The following MAGI2 variants were observed in gnomAD, a reference collection of about 807,000 sequenced individuals.
MAGI2 encodes membrane-associated guanylate kinase, WW and PDZ domain-containing protein 2.
Under a neutral mutation model 133.3 loss-of-function variants are expected in MAGI2, and 35 were observed. That is an observed-to-expected ratio of 0.26 (90% CI 0.20 to 0.35). MAGI2 has a LOEUF of 0.35. MAGI2 is among the 10% of genes least tolerant of loss of function. The pLI is 1.00. For synonymous variants in MAGI2, 729 were observed against 710.6 expected (o/e 1.03, Z -0.41); for missense variants, 1,636 against 1,863.4 (o/e 0.88, Z 2.25).
intron 9 of MAGI2, among the ~76,000 whole-genome samples, chr7:78,327,605 T>C (rs1175293694): frequency 6.6e-6 from 1 of 152,166 alleles, no homozygotes; most frequent in African/African-American, 2.4e-5. Flanking sequence ...GGTTTGATTA[T>C]AGTAGGGGAG....
intron 1 of MAGI2, among the ~76,000 whole-genome samples, chr7:79,341,976 C>T (rs1474351301): frequency 6.6e-6 from 1 of 152,146 alleles, no homozygotes; most frequent in Non-Finnish European, 1.5e-5. Context: ...GCTCCAGATC[C>T]ACTTGTTTTC....
chr7:79,214,858 AATAT>A (rs2129553028), intron 1 of MAGI2, among the ~76,000 whole-genome samples: 1 of 144,566 alleles, frequency 6.9e-6, no homozygotes, highest in Non-Finnish European at 1.5e-5. Flanking sequence ...TAAATTTATA[AATAT>A]ATATTTATAA....
In MAGI2 at chr7:78,018,292, CAAAT is replaced by C. The variant is rs1807952574; in HGVS notation, c.*1019_*1022del. ...ATATTATAATCTGAGAAATATAAGACAAATACTCTGCCTCTGCTCTGTCAAAGTG... is the reference window on the plus strand; with the variant it reads ...ATATTATAATCTGAGAAATATAAGACACTCTGCCTCTGCTCTGTCAAAGTG... On this transcript the variant is annotated 3_prime_UTR_variant, in exon 22 of 22. Coordinates refer to ENST00000354212, the MANE Select transcript of MAGI2 (RefSeq NM_012301.4). The C allele has an allele frequency of 6.6e-6, 1 of 152,540 alleles. No individual in the cohort carries two copies. Among genetic ancestry groups the C allele is most frequent in the South Asian group, 2.1e-4 (1 of 4,820 alleles). The allele number at this position is 152,540 out of a possible 1,614,324, so 9.4% of individuals were successfully genotyped here. A position where few individuals can be genotyped will look rare whatever the true frequency, so the allele number is the denominator to read the frequency against.
intron 1 of MAGI2, among the ~76,000 whole-genome samples, chr7:79,438,686 G>T (rs181448004): frequency 6.6e-6 from 1 of 151,966 alleles, no homozygotes; most frequent in East Asian, 1.9e-4. Flanking sequence ...CATTCCATTG[G>T]ATATAAGTTC....
At chr7:78,595,358 T>C (rs1330842643) in intron 3 of MAGI2, among the ~76,000 whole-genome samples, 1 of 152,202 alleles carries the variant, frequency 6.6e-6, no homozygotes, top group African/African-American at 2.4e-5. Context: ...AGTATAAAAT[T>C]AGGTTCAAGA....
chr7:78,891,727 T>C (rs1009643763), intron 2 of MAGI2, among the ~76,000 whole-genome samples: 2 of 152,022 alleles, frequency 1.3e-5, no homozygotes, highest in South Asian at 2.1e-4. Flanking sequence ...TGGGACGTAT[T>C]TCAAAATAAT....
rs1364508541 is a variant in MAGI2 at position 78,841,891 on chromosome 7, G to A, written c.418+165199C>T. 2.0e-5 allele frequency among the ~76,000 whole-genome samples: 3 copies of A among 151,870 alleles called. No individual in the cohort carries two copies. The East Asian group carries it at 5.8e-4, about 29-fold the overall frequency. ...TCTGACCACCCAAGGAGCTTCTACT[G>A]TATTTCCTTAGAGCCCTGCACCTCA... On this transcript the variant is annotated intron_variant, in intron 2 of 21. Coordinates refer to ENST00000354212, the MANE Select transcript of MAGI2 (RefSeq NM_012301.4).
intron 2 of MAGI2, among the ~76,000 whole-genome samples, chr7:78,847,914 GGTAA>G (rs1792764784): frequency 6.6e-6 from 1 of 151,878 alleles, no homozygotes; most frequent in Non-Finnish European, 1.5e-5. Flanking sequence ...TCTGGCATAT[GGTAA>G]GTATTTAATA....
chr7:79,173,944 A>G (rs2129549244), intron 1 of MAGI2, among the ~76,000 whole-genome samples: 1 of 152,218 alleles, frequency 6.6e-6, no homozygotes, highest in African/African-American at 2.4e-5. Flanking sequence ...CCATTAATAA[A>G]TTGTTAGATC....
intron 1 of MAGI2, among the ~76,000 whole-genome samples, chr7:79,123,323 T>C (rs930886955): frequency 1.3e-5 from 2 of 152,210 alleles, no homozygotes; most frequent in African/African-American, 2.4e-5. Context: ...AGGGCTAATA[T>C]GAGGTAAAAT....
intron 6 of MAGI2, among the ~76,000 whole-genome samples, chr7:78,397,116 A>T (rs775880032): frequency 2.9e-4 from 44 of 152,112 alleles, no homozygotes; most frequent in Non-Finnish European, 1.0e-4. Context: ...GAATGTTTAT[A>T]TTCAGGAAAC....
chr7:79,293,926 T>C (rs1836700134), intron 1 of MAGI2, among the ~76,000 whole-genome samples: 1 of 152,228 alleles, frequency 6.6e-6, no homozygotes, highest in Non-Finnish European at 1.5e-5. Flanking sequence ...CTCTTGCCTG[T>C]AATCCCAGAA....
intron 2 of MAGI2, among the ~76,000 whole-genome samples, chr7:78,639,204 G>A (rs1007163567): frequency 6.6e-6 from 1 of 152,148 alleles, no homozygotes; most frequent in Non-Finnish European, 1.5e-5. Context: ...AATGCCCAAG[G>A]TAGATAGTAG....
rs748533885 is a variant in MAGI2, at chr7:78,781,380, C to CAAA, written c.419-154144_419-154142dup. Among the ~76,000 whole-genome samples, 339 of 100,886 alleles carry CAAA rather than the reference C, an allele frequency of 3.4e-3. 5 individuals carry two copies. Among genetic ancestry groups the CAAA allele is most frequent in the African/African-American group, 9.0e-3 (229 of 25,540 alleles). 66.2% of individuals were successfully genotyped at this position (100,886 alleles called of 152,430 possible). ...GGCGACACAGTGAGACTCCGTCTCA[C>CAAA]AAAAAAAAAAAAAAAAAAAGAATAT... On this transcript the variant is annotated intron_variant, in intron 2 of 21. Transcript: ENST00000354212.
At position 78,683,835 on chromosome 7, in the gene MAGI2, G is replaced by T. The variant is rs78052225; in HGVS notation, c.419-56596C>A. Among the ~76,000 whole-genome samples, 582 of 152,280 alleles carry T rather than the reference G, an allele frequency of 3.8e-3. 5 individuals carry two copies. Among genetic ancestry groups the T allele is most frequent in the African/African-American group, 0.013 (554 of 41,548 alleles). ...ATACTAACGTTTCTGTCTCTTTGGT[G>T]GAGAACAGTACACTGTAACTTGAAA... On this transcript the variant is annotated intron_variant, in intron 2 of 21. Transcript: ENST00000354212.
intron 4 of MAGI2, among the ~76,000 whole-genome samples, chr7:78,513,679 T>C (rs1795795560): frequency 6.6e-6 from 1 of 152,216 alleles, no homozygotes; most frequent in Admixed American, 6.5e-5. Context: ...TTGTCCTTGT[T>C]CTGCCTTCCT....
intron 1 of MAGI2, among the ~76,000 whole-genome samples, chr7:79,165,751 C>T (rs982334630): frequency 2.6e-5 from 4 of 152,078 alleles, no homozygotes; most frequent in Non-Finnish European, 5.9e-5. Flanking sequence ...AAACTCATGT[C>T]TCATTCAACT....
At chr7:78,903,480 C>T (rs568719152) in intron 2 of MAGI2, among the ~76,000 whole-genome samples, 25 of 152,124 alleles carry the variant, frequency 1.6e-4, no homozygotes, top group African/African-American at 5.1e-4. Flanking sequence ...CAGGCGTGAG[C>T]CACCGCGCCC....
intron 1 of MAGI2, among the ~76,000 whole-genome samples, chr7:79,035,068 G>C (rs1396494520): frequency 6.6e-6 from 1 of 152,130 alleles, no homozygotes; most frequent in African/African-American, 2.4e-5. Flanking sequence ...CACCTCTACA[G>C]ATGTTTTTTG....
Sources: gnomAD v4.1 joint callset for allele counts (sites outside exome capture counted in the v4.1 genomes callset) on GRCh38, gnomAD v4.1.1 for gene constraint, MANE v1.5 for transcripts, NCBI Gene and HGNC (gene_info 2026-07-23, HGNC 2026-07-21) for gene names.